CCDC83: variants seen among roughly 807,000 people sequenced by gnomAD.
CCDC83 encodes the protein coiled-coil domain-containing protein 83.
In CCDC83, 54 loss-of-function variants were observed where a neutral mutation model predicts 50.1. The observed-to-expected ratio is 1.08, with a 90% CI of 0.87 to 1.35. CCDC83 has a LOEUF of 1.35. CCDC83 is among the 40% of genes most tolerant of loss of function. The probability of loss-of-function intolerance (pLI) is 0.00; values close to 1 mark genes in which losing one functional copy is unlikely to be tolerated. For missense variants in CCDC83, 518 were observed against 473.9 expected (o/e 1.09, Z -0.86); for synonymous variants, 161 against 153.3 (o/e 1.05, Z -0.37).
chr11:85,883,839 G>A (rs183660039), intron 4 of CCDC83, among the ~76,000 whole-genome samples: 3 of 152,234 alleles, frequency 2.0e-5, no homozygotes, highest in South Asian at 2.1e-4. Context: ...GAGTGAAATC[G>A]TTTCCAAGAC....
chr11:85,902,183 G>A (rs538377735), intron 7 of CCDC83, among the ~76,000 whole-genome samples: 3 of 151,830 alleles, frequency 2.0e-5, no homozygotes, highest in Non-Finnish European at 4.4e-5. Flanking sequence ...AGGTGGGGGT[G>A]GGGGTGAAGT....
chr11:85,885,171 G>A (rs56160063), intron 4 of CCDC83, among the ~76,000 whole-genome samples: 33,828 of 151,568 alleles, frequency 0.22, 4,153 homozygotes, highest in Non-Finnish European at 0.23. Context: ...CCGAGATCGC[G>A]CCACTGCTCT....
intron 7 of CCDC83, among the ~76,000 whole-genome samples, chr11:85,910,441 G>A (rs756983545): frequency 7.9e-5 from 12 of 152,204 alleles, no homozygotes; most frequent in Non-Finnish European, 1.5e-4. Flanking sequence ...CTAGCACTCA[G>A]AGAGAACATC....
intron 7 of CCDC83, among the ~76,000 whole-genome samples, chr11:85,904,724 GTTTCTCTTCAAAAAT>G (rs1256110973): frequency 6.6e-6 from 1 of 152,062 alleles, no homozygotes; most frequent in Non-Finnish European, 1.5e-5. Context: ...GACTCATTAA[GTTTCTCTTCAAAAAT>G]TTTCTCCTCC....
intron 1 of CCDC83, among the ~76,000 whole-genome samples, chr11:85,861,081 A>G (rs2093173561): frequency 6.6e-6 from 1 of 152,256 alleles, no homozygotes; most frequent in Non-Finnish European, 1.5e-5. Context: ...CTCAAGATGA[A>G]TTTAAATATT....
chr11:85,905,003 A>G lies in CCDC83; in HGVS notation c.672+5988A>G, dbSNP rs576695782. Among the ~76,000 whole-genome samples the G allele has an allele frequency of 8.5e-5, 13 of 152,342 alleles. No individual in the cohort carries two copies. The East Asian group carries it at 2.3e-3, about 27-fold the overall frequency. On this transcript the variant is annotated intron_variant, in intron 7 of 10. Coordinates refer to ENST00000342404, the MANE Select transcript of CCDC83 (RefSeq NM_001286159.2). ...TCACAATTTTTAAAAAGGTATTAACAATTTTTAAGGCTGGGCATGTTGTTG... is the reference window on the plus strand; with the variant it reads ...TCACAATTTTTAAAAAGGTATTAACGATTTTTAAGGCTGGGCATGTTGTTG...
intron 1 of CCDC83, among the ~76,000 whole-genome samples, chr11:85,861,566 G>A (rs935960767): frequency 1.3e-5 from 2 of 152,142 alleles, no homozygotes; most frequent in Non-Finnish European, 2.9e-5. Flanking sequence ...TACATTGTAT[G>A]TAAAACATTA....
Position 85,859,178 on chromosome 11 carries a change from AAAC to A in CCDC83, c.-29+3595_-29+3597del, listed in dbSNP as rs201238728. ...TGCCTTAAAAAAAAAAAAAAAAAAAAAACCCCTAGGAATACAGCTTACCAAGAA... is the reference window on the plus strand; with the variant it reads ...TGCCTTAAAAAAAAAAAAAAAAAAAACCCTAGGAATACAGCTTACCAAGAA... On this transcript the variant is annotated intron_variant, in intron 1 of 10. Transcript: ENST00000342404. Among the ~76,000 whole-genome samples the A allele has an allele frequency of 4.6e-4, 69 of 148,888 alleles. 1 individual carries two copies. The highest frequency in any genetic ancestry group is 7.1e-4 in the African/African-American group (29 of 40,686).
In CCDC83 at chr11:85,895,273, T is replaced by TC. The variant is rs761622064; in HGVS notation, c.512-20_512-19insC. On this transcript the variant is annotated intron_variant, in intron 5 of 10. Transcript: ENST00000342404. ...TAAGGCTTTTAATTTTCTTTTTTTT[T>TC]TTTTTTTTTTTTTTTAAAGAACACT... 2 of 840,214 alleles carry TC rather than the reference T, an allele frequency of 2.4e-6. No homozygotes were observed. Among genetic ancestry groups the TC allele is most frequent in the African/African-American group, 3.6e-5 (2 of 55,884 alleles). 52.0% of individuals were successfully genotyped at this position (840,214 alleles called of 1,614,324 possible).
intron 5 of CCDC83, 92 bp downstream of exon 5, chr11:85,886,459 C>A: frequency 2.0e-6 from 2 of 988,908 alleles, no homozygotes; most frequent in Admixed American, 3.2e-5. Flanking sequence ...CTCCCTGAAT[C>A]ATTCATTACT....
intron 1 of CCDC83, among the ~76,000 whole-genome samples, chr11:85,859,925 A>G (rs1469337084): frequency 6.6e-6 from 1 of 152,200 alleles, no homozygotes; most frequent in East Asian, 1.9e-4. Context: ...CATCCAACAA[A>G]GGTCTAATAT....
intron 3 of CCDC83, among the ~76,000 whole-genome samples, chr11:85,879,846 C>T (rs865945318): frequency 6.6e-6 from 1 of 151,984 alleles, no homozygotes; most frequent in Admixed American, 6.6e-5. Context: ...CTTGAACTGA[C>T]CTCAGGTGAT....
At chr11:85,915,289 C>T (rs1223044241) in intron 8 of CCDC83, 130 bp from the exon 9 acceptor site, 3 of 658,894 alleles carry the variant, frequency 4.6e-6, no homozygotes, top group Non-Finnish European at 7.8e-6. Flanking sequence ...GCTTTATGCT[C>T]CTCAGGGTAG....
intron 7 of CCDC83, among the ~76,000 whole-genome samples, chr11:85,910,573 A>G (rs2093449061): frequency 1.3e-5 from 2 of 152,166 alleles, no homozygotes; most frequent in South Asian, 4.1e-4. Context: ...TTACCCTTAG[A>G]TAGGGCCTAA....
rs34372795 is a variant in CCDC83 at position 85,861,998 on chromosome 11, TA to T, written c.-28-3075del. Among the ~76,000 whole-genome samples, 537 of 94,804 alleles carry T rather than the reference TA, an allele frequency of 5.7e-3. 4 individuals are homozygous for T. The highest frequency in any genetic ancestry group is 0.031 in the East Asian group (100 of 3,188). The allele number at this position is 94,804 out of a possible 152,430, so 62.2% of individuals were successfully genotyped here. ...GCGACGGAGCCAGACCCTGTCTCAT[TA>T]AAAAAAAAAAAAAAAAAAAAAAGAG... On this transcript the variant is annotated intron_variant, in intron 1 of 10. Coordinates refer to ENST00000342404, the MANE Select transcript of CCDC83 (RefSeq NM_001286159.2).
chr11:85,874,769 A>T (rs2093259403), intron 3 of CCDC83, among the ~76,000 whole-genome samples: 1 of 152,030 alleles, frequency 6.6e-6, no homozygotes, highest in Admixed American at 6.5e-5. Context: ...GGTCTAATAG[A>T]CTCTTCTTAG....
intron 5 of CCDC83, among the ~76,000 whole-genome samples, chr11:85,893,706 T>C (rs1200930136): frequency 6.6e-6 from 1 of 152,168 alleles, no homozygotes; most frequent in East Asian, 1.9e-4. Context: ...CTTAGATTCT[T>C]TTAGGAGCGC....
chr11:85,865,842 C>T (rs1396174509), intron 2 of CCDC83, among the ~76,000 whole-genome samples: 2 of 150,398 alleles, frequency 1.3e-5, no homozygotes, highest in African/African-American at 4.9e-5. Context: ...GAGCCAAGAT[C>T]ATGCCACTGC....
intron 7 of CCDC83, among the ~76,000 whole-genome samples, chr11:85,905,631 G>C (rs942029045): frequency 1.4e-5 from 2 of 146,712 alleles, no homozygotes; most frequent in African/African-American, 5.1e-5. Flanking sequence ...AAAAAAAAAA[G>C]GTATTAACAA....
Sources: gnomAD v4.1 joint callset for allele counts (sites outside exome capture counted in the v4.1 genomes callset) on GRCh38, gnomAD v4.1.1 for gene constraint, MANE v1.5 for transcripts, NCBI Gene and HGNC (gene_info 2026-07-23, HGNC 2026-07-21) for gene names.